Variants in PFDN1 observed in about 807,000 individuals in gnomAD.
The protein encoded by PFDN1 is prefoldin 1.
PFDN1 carries 6 observed loss-of-function variants against 17.3 expected under a neutral mutation model. The observed-to-expected ratio is 0.35, with a 90% CI of 0.19 to 0.69. The LOEUF is 0.69. Among genes scored for constraint, PFDN1 ranks in the 30% least tolerant of loss-of-function variants. The pLI is 0.65. For synonymous variants in PFDN1, 58 were observed against 50.1 expected (o/e 1.16, Z -0.67); for missense variants, 113 against 146.2 (o/e 0.77, Z 1.17).
At chr5:140,257,028 C>T (rs1039562980) in intron 3 of PFDN1, among the ~76,000 whole-genome samples, 1 of 151,990 alleles carries the variant, frequency 6.6e-6, no homozygotes, top group African/African-American at 2.4e-5. Context: ...TGAGACCAGC[C>T]TGGACAACAT....
intron 3 of PFDN1, chr5:140,273,852 G>A: frequency 1.0e-6 from 1 of 964,154 alleles, no homozygotes; most frequent in Non-Finnish European, 1.2e-6. Flanking sequence ...AAGGAAGCTG[G>A]TGAACCTGTA....
chr5:140,259,706 C>T (rs1765036487), intron 3 of PFDN1, among the ~76,000 whole-genome samples: 1 of 152,158 alleles, frequency 6.6e-6, no homozygotes, highest in Non-Finnish European at 1.5e-5. Context: ...GTAAGGGTGA[C>T]ACCTTGCATT....
chr5:140,245,759 AAG>A lies in PFDN1; in HGVS notation c.*213_*214del. 1.6e-6 allele frequency: 1 copy of A among 610,990 alleles called. No homozygotes were observed. The highest frequency in any genetic ancestry group is 2.9e-6 in the Non-Finnish European group (1 of 343,326). 37.8% of individuals were successfully genotyped at this position (610,990 alleles called of 1,614,324 possible). A position where few individuals can be genotyped will look rare whatever the true frequency, so the allele number is the denominator to read the frequency against. On this transcript the variant is annotated 3_prime_UTR_variant, in exon 4 of 4. Transcript: ENST00000261813. Reference sequence around the variant, plus strand: ...GAGTTCATCACACATCCCGAGAGGGAAGAGTGTCCTGGGCAGAGGTGGCAGGC... The same window carrying A: ...GAGTTCATCACACATCCCGAGAGGGAAGTGTCCTGGGCAGAGGTGGCAGGC...
At chr5:140,273,297 C>T (rs79540320) in intron 3 of PFDN1, among the ~76,000 whole-genome samples, 392 of 151,214 alleles carry the variant, frequency 2.6e-3, no homozygotes, top group African/African-American at 9.0e-3. Flanking sequence ...GACTATCATA[C>T]AGTAGAGTCC....
intron 3 of PFDN1, 84 bp downstream of exon 3, chr5:140,281,365 C>T: frequency 1.5e-6 from 1 of 668,472 alleles, no homozygotes. Flanking sequence ...CTTTGGCAGG[C>T]AGGCATACAT....
Sources: allele counts gnomAD v4.1 joint callset (sites outside exome capture counted in the v4.1 genomes callset), GRCh38; gene constraint gnomAD v4.1.1; transcripts MANE v1.5; gene names NCBI Gene and HGNC (gene_info 2026-07-23, HGNC 2026-07-21).